The following ADAM9 variants were observed in gnomAD, a reference collection of about 807,000 sequenced individuals.
ADAM9 encodes ADAM metallopeptidase domain 9.
Under a neutral mutation model 108.1 loss-of-function variants are expected in ADAM9, and 54 were observed. The observed-to-expected ratio is 0.50, with a 90% CI of 0.40 to 0.63. ADAM9 has a LOEUF of 0.63. Among genes scored for constraint, ADAM9 ranks in the 20% least tolerant of loss-of-function variants. The pLI is 0.00. For missense variants in ADAM9, 830 were observed against 997.7 expected, an observed-to-expected ratio of 0.83 and a Z score of 2.26; for synonymous variants, 316 against 336.0, an observed-to-expected ratio of 0.94 and a Z score of 0.65.
chr8:39,040,295 C>T (rs182597911), intron 11 of ADAM9, among the ~76,000 whole-genome samples: 8 of 152,172 alleles, frequency 5.3e-5, no homozygotes, highest in African/African-American at 1.7e-4. Flanking sequence ...GCGATCCGCC[C>T]GCCTCAGCCT....
intron 12 of ADAM9, among the ~76,000 whole-genome samples, chr8:39,053,208 CT>C (rs894977544): frequency 3.9e-5 from 6 of 152,060 alleles, no homozygotes; most frequent in Non-Finnish European, 8.8e-5. Context: ...TTTGAGAATA[CT>C]TTGTGTATTC....
intron 10 of ADAM9, 148 bp downstream of exon 10, chr8:39,026,032 C>A: frequency 1.3e-6 from 1 of 766,724 alleles, no homozygotes; most frequent in Admixed American, 2.1e-5. Context: ...GTTCTTTCCC[C>A]AGAGACTGGG....
Position 39,021,683 on chromosome 8 carries a change from A to T in ADAM9, c.713A>T (p.Glu238Val). The change falls in exon 8 of 22, where the codon GAG (glutamate) becomes GTG (valine). Residue 238 changes from glutamate (E) to valine (V), a missense_variant. By Grantham distance (121) the Glu-to-Val change is moderately radical. Transcript: ENST00000487273. Reference protein sequence around the residue: ...MGRNQTAVREEMILLANYLDS... With the variant: ...MGRNQTAVREVMILLANYLDS... ...AGAAATCAGACTGCTGTGAGAGAAG[A>T]GATGATTCTCCTGGCAAACTACTTG... 1 of 1,614,058 alleles carries T rather than the reference A, an allele frequency of 6.2e-7. No individual in the cohort carries two copies. The highest frequency in any genetic ancestry group is 8.5e-7 in the Non-Finnish European group (1 of 1,179,912).
intron 15 of ADAM9, among the ~76,000 whole-genome samples, chr8:39,071,776 C>G (rs986031972): frequency 6.6e-6 from 1 of 152,136 alleles, no homozygotes; most frequent in African/African-American, 2.4e-5. Flanking sequence ...TCTCTAGTAT[C>G]TTTTACAACT....
chr8:39,054,109 C>T (rs1473005111), intron 12 of ADAM9, among the ~76,000 whole-genome samples: 1 of 152,100 alleles, frequency 6.6e-6, no homozygotes, highest in African/African-American at 2.4e-5. Flanking sequence ...AGAAGGCAGC[C>T]CTCTGCAAGC....
At chr8:39,026,144 T>C (rs1485042490) in intron 10 of ADAM9, among the ~76,000 whole-genome samples, 1 of 152,204 alleles carries the variant, frequency 6.6e-6, no homozygotes, top group East Asian at 1.9e-4. Context: ...TGTCCAGGTT[T>C]GTTACATAGG....
At chr8:39,097,899 A>G (rs1258083206) in intron 20 of ADAM9, among the ~76,000 whole-genome samples, 1 of 152,208 alleles carries the variant, frequency 6.6e-6, no homozygotes, top group Non-Finnish European at 1.5e-5. Context: ...TGTGTGGAGC[A>G]CTGAGAAGTG....
intron 11 of ADAM9, among the ~76,000 whole-genome samples, chr8:39,036,005 G>A (rs1370202900): frequency 1.3e-5 from 2 of 149,826 alleles, no homozygotes; most frequent in African/African-American, 4.9e-5. Context: ...TTTAATAAAT[G>A]TTAATTTTCT....
rs1564297198 is a variant in ADAM9 at position 39,045,096 on chromosome 8, G to GTGTGTGCATACATACATATA, written c.1302+2985_1302+2986insCATACATACATATATGTGTG. Among the ~76,000 whole-genome samples the GTGTGTGCATACATACATATA allele has an allele frequency of 2.6e-4, 4 of 15,476 alleles. 2 individuals carry two copies. Among genetic ancestry groups the GTGTGTGCATACATACATATA allele is most frequent in the Admixed American group, 1.4e-3 (2 of 1,406 alleles). The allele number at this position is 15,476 out of a possible 152,430, so 10.2% of individuals were successfully genotyped here. ...TATGTGTGTGTGCATACATACATAT[G>GTGTGTGCATACATACATATA]TGTGTGTGCATACATACATATGTGT... On this transcript the variant is annotated intron_variant, in intron 12 of 21. Coordinates refer to ENST00000487273, the MANE Select transcript of ADAM9 (RefSeq NM_003816.3).
intron 10 of ADAM9, 101 bp from the exon 11 acceptor site, chr8:39,026,576 C>G (rs1220163939): frequency 7.0e-7 from 1 of 1,429,364 alleles, no homozygotes. Context: ...AGGCTGTCAA[C>G]AGTGTAGTGA....
At chr8:39,077,433 T>C (rs761515015) in intron 16 of ADAM9, 22 bp downstream of exon 16, 7 of 1,589,618 alleles carry the variant, frequency 4.4e-6, no homozygotes, top group Non-Finnish European at 6.0e-6. Context: ...ATTTTTTATT[T>C]ACAAAGTAAA....
At chr8:39,072,694 C>T (rs1177399460) in intron 15 of ADAM9, among the ~76,000 whole-genome samples, 9 of 152,232 alleles carry the variant, frequency 5.9e-5, no homozygotes, top group Admixed American at 3.9e-4. Context: ...CTCAGTTCTT[C>T]GTCCTCCAGA....
At chr8:39,029,654 G>C (rs1202827902) in intron 11 of ADAM9, among the ~76,000 whole-genome samples, 1 of 152,140 alleles carries the variant, frequency 6.6e-6, no homozygotes, top group East Asian at 1.9e-4. Context: ...ATGTGACTTT[G>C]ATCCTTGATT....
In ADAM9 at chr8:39,014,032, C is replaced by A. The variant is rs769340668; in HGVS notation, c.322C>A (p.Pro108Thr). 4 of 1,612,342 alleles carry A rather than the reference C, an allele frequency of 2.5e-6. No individual in the cohort carries two copies. Among genetic ancestry groups the A allele is most frequent in the African/African-American group, 1.3e-5 (1 of 74,850 alleles). Residue 108 changes from proline to threonine, a missense_variant, in exon 4 of 22, where the codon CCC becomes ACC. Pro to Thr is a conservative substitution (Grantham distance 38, BLOSUM62 -1). Transcript: ENST00000487273. Reference protein sequence around the residue: ...NKEGTLITDHPNIQNHCHYRG... With the variant: ...NKEGTLITDHTNIQNHCHYRG... The stretch of plus-strand genomic sequence containing the variant: ...GGAAGGGACTTTAATCACTGACCAT[C>A]CCAATATACAGGTAATGTATTTTTC...
At chr8:39,013,832 T>C in intron 3 of ADAM9, 133 bp from the exon 4 acceptor site, 1 of 763,684 alleles carries the variant, frequency 1.3e-6, no homozygotes, top group Middle Eastern at 3.7e-4. Context: ...CAATAGCACA[T>C]TTAAAAATAA....
At chr8:39,009,816 G>A (rs942207306) in intron 2 of ADAM9, among the ~76,000 whole-genome samples, 2 of 149,560 alleles carry the variant, frequency 1.3e-5, no homozygotes, top group East Asian at 2.0e-4. Context: ...TTGGGGATAC[G>A]GCAGTGAACA....
At chr8:39,053,114 T>C (rs78817848) in intron 12 of ADAM9, among the ~76,000 whole-genome samples, 1,641 of 152,298 alleles carry the variant, frequency 0.011, 12 homozygotes, top group Non-Finnish European at 0.017. Context: ...TTCATGTGCT[T>C]TTTTGCCATC....
chr8:39,021,566 G>T, intron 7 of ADAM9, 77 bp from the exon 8 acceptor site: 1 of 1,291,650 alleles, frequency 7.7e-7, no homozygotes. Context: ...TTACAGGCAT[G>T]AGGTACTGCA....
chr8:39,039,108 T>A (rs956548580), intron 11 of ADAM9, among the ~76,000 whole-genome samples: 2 of 152,016 alleles, frequency 1.3e-5, no homozygotes, highest in Non-Finnish European at 2.9e-5. Flanking sequence ...GCAAAAAATA[T>A]GTTTCTTAGA....
Sources: gnomAD v4.1 joint callset for allele counts (sites outside exome capture counted in the v4.1 genomes callset) on GRCh38, gnomAD v4.1.1 for gene constraint, MANE v1.5 for transcripts, NCBI Gene and HGNC (gene_info 2026-07-23, HGNC 2026-07-21) for gene names.